Variants in CDYL2 observed in about 807,000 individuals in gnomAD.
CDYL2 encodes the protein chromodomain Y-like protein 2.
In CDYL2, 23 loss-of-function variants were observed where a neutral mutation model predicts 49.4. The ratio of observed to expected loss-of-function variants is 0.47; its 90% CI spans 0.34 to 0.66. The LOEUF is 0.66. CDYL2 is among the 30% of genes least tolerant of loss of function. CDYL2 has a pLI of 0.01. For synonymous variants in CDYL2, 360 were observed against 268.8 expected (o/e 1.34, Z -3.32); for missense variants, 678 against 656.4 (o/e 1.03, Z -0.36).
chr16:80,782,599 A>C lies in CDYL2; in HGVS notation c.24+21551T>G, dbSNP rs556261157. 2.4e-4 allele frequency among the ~76,000 whole-genome samples: 37 copies of C among 151,886 alleles called. No individual in the cohort carries two copies. The South Asian group carries it at 7.7e-3, about 32-fold the overall frequency. Reference sequence around the variant, plus strand: ...AATATAGATGCAAAAAATTCTCAACAAAATACTAGGAAACCAAATTCAGCA... The same window carrying C: ...AATATAGATGCAAAAAATTCTCAACCAAATACTAGGAAACCAAATTCAGCA... On this transcript the variant is annotated intron_variant, in intron 1 of 6. Transcript: ENST00000570137.
chr16:80,746,277 T>C (rs1333860643), intron 1 of CDYL2, among the ~76,000 whole-genome samples: 2 of 152,216 alleles, frequency 1.3e-5, no homozygotes, highest in African/African-American at 4.8e-5. Flanking sequence ...AATAAATTGA[T>C]ACCAAATTAT....
rs60399715 is a variant in CDYL2, at chr16:80,712,191, G to GTATATA, written c.25-27068_25-27063dup. On this transcript the variant is annotated intron_variant, in intron 1 of 6. Coordinates refer to ENST00000570137, the MANE Select transcript of CDYL2 (RefSeq NM_152342.4). ...TATATGTGTCTTTGTGTCTGTGTGT[G>GTATATA]TATATATATATATATATATATATAT... is the stretch of plus-strand genomic sequence containing the variant. Among the ~76,000 whole-genome samples the GTATATA allele has an allele frequency of 1.0e-3, 110 of 107,924 alleles. 3 individuals carry two copies. Among genetic ancestry groups the GTATATA allele is most frequent in the East Asian group, 5.6e-3 (23 of 4,074 alleles). The allele number at this position is 107,924 out of a possible 152,430, so 70.8% of individuals were successfully genotyped here.
chr16:80,793,037 C>G (rs1907659107), intron 1 of CDYL2, among the ~76,000 whole-genome samples: 1 of 152,196 alleles, frequency 6.6e-6, no homozygotes, highest in African/African-American at 2.4e-5. Context: ...TCTGTCCTAG[C>G]CTGCTTTCCA....
At chr16:80,770,311 T>A (rs1283197189) in intron 1 of CDYL2, among the ~76,000 whole-genome samples, 1 of 152,182 alleles carries the variant, frequency 6.6e-6, no homozygotes, top group Non-Finnish European at 1.5e-5. Flanking sequence ...CAGAAAACTA[T>A]GTATTTAAAA....
intron 1 of CDYL2, among the ~76,000 whole-genome samples, chr16:80,776,354 A>G (rs2142400310): frequency 6.6e-6 from 1 of 152,224 alleles, no homozygotes; most frequent in East Asian, 1.9e-4. Flanking sequence ...AAAGATGAAT[A>G]TACACTAGGA....
At chr16:80,684,126 T>C (rs1910079024) in intron 2 of CDYL2, among the ~76,000 whole-genome samples, 1 of 152,104 alleles carries the variant, frequency 6.6e-6, no homozygotes, top group Non-Finnish European at 1.5e-5. Context: ...GCTGGGGGCA[T>C]GATGAGGCTG....
intron 6 of CDYL2, among the ~76,000 whole-genome samples, chr16:80,606,738 G>A (rs1344022327): frequency 1.3e-5 from 2 of 152,170 alleles, no homozygotes; most frequent in African/African-American, 4.8e-5. Flanking sequence ...GGGACCCTGT[G>A]GGAGATAATT....
At chr16:80,696,775 G>C (rs146536541) in intron 1 of CDYL2, among the ~76,000 whole-genome samples, 2,824 of 151,740 alleles carry the variant, frequency 0.019, 34 homozygotes, top group Admixed American at 0.026. Flanking sequence ...CTTTACTGCT[G>C]AATTCTACCA....
At chr16:80,801,296 T>G (rs1314674277) in intron 1 of CDYL2, among the ~76,000 whole-genome samples, 1 of 152,246 alleles carries the variant, frequency 6.6e-6, no homozygotes, top group African/African-American at 2.4e-5. Context: ...GATCCAAGAT[T>G]TTGGAACCTG....
chr16:80,779,058 G>A (rs1265189073), intron 1 of CDYL2, among the ~76,000 whole-genome samples: 2 of 151,904 alleles, frequency 1.3e-5, no homozygotes, highest in South Asian at 4.1e-4. Flanking sequence ...TTTGTCATGA[G>A]GATAGCCTTC....
At chr16:80,632,956 T>A (rs1907633867) in intron 3 of CDYL2, 63 bp downstream of exon 3, 2 of 1,494,818 alleles carry the variant, frequency 1.3e-6, no homozygotes, top group South Asian at 1.1e-5. Context: ...AAGCCAATAT[T>A]CCATTCTGAG....
At chr16:80,699,942 A>G (rs1904292370) in intron 1 of CDYL2, among the ~76,000 whole-genome samples, 1 of 150,322 alleles carries the variant, frequency 6.7e-6, no homozygotes, top group Admixed American at 6.7e-5. Context: ...ATCTCCGCTC[A>G]CCGCAAGCCC....
At chr16:80,801,100 C>T (rs1456669304) in intron 1 of CDYL2, among the ~76,000 whole-genome samples, 1 of 152,156 alleles carries the variant, frequency 6.6e-6, no homozygotes, top group African/African-American at 2.4e-5. Flanking sequence ...ACTCCATGGC[C>T]CCTATGTTTA....
intron 1 of CDYL2, among the ~76,000 whole-genome samples, chr16:80,756,099 T>C (rs1829677654): frequency 6.6e-6 from 1 of 152,170 alleles, no homozygotes. Context: ...AATTATTAAA[T>C]GATGTTGTCA....
intron 1 of CDYL2, among the ~76,000 whole-genome samples, chr16:80,796,441 T>A (rs548544104): frequency 8.5e-5 from 13 of 152,216 alleles, no homozygotes; most frequent in Non-Finnish European, 1.6e-4. Flanking sequence ...CACCATCATC[T>A]TCTTTCCACC....
At chr16:80,693,437 A>C (rs1389233715) in intron 1 of CDYL2, among the ~76,000 whole-genome samples, 2 of 152,246 alleles carry the variant, frequency 1.3e-5, no homozygotes, top group Non-Finnish European at 2.9e-5. Flanking sequence ...TAAACAAGAC[A>C]GCAGAAATGA....
At chr16:80,698,349 A>G (rs551830509) in intron 1 of CDYL2, among the ~76,000 whole-genome samples, 1 of 152,356 alleles carries the variant, frequency 6.6e-6, no homozygotes, top group African/African-American at 2.4e-5. Context: ...AATATTTGCA[A>G]ATTATGCATT....
chr16:80,727,812 C>G (rs1164595902), intron 1 of CDYL2, among the ~76,000 whole-genome samples: 3 of 152,240 alleles, frequency 2.0e-5, no homozygotes, highest in African/African-American at 7.2e-5. Flanking sequence ...AGCAGCCTAA[C>G]TGAAAGGCAC....
intron 2 of CDYL2, among the ~76,000 whole-genome samples, chr16:80,657,096 A>T (rs912145186): frequency 9.9e-5 from 15 of 152,248 alleles, no homozygotes; most frequent in African/African-American, 3.4e-4. Flanking sequence ...CCTGCACACC[A>T]AAATACCAAA....
Sources: gnomAD v4.1 joint callset for allele counts (sites outside exome capture counted in the v4.1 genomes callset) on GRCh38, gnomAD v4.1.1 for gene constraint, MANE v1.5 for transcripts, NCBI Gene and HGNC (gene_info 2026-07-23, HGNC 2026-07-21) for gene names.